Variants in APBB1IP observed in about 807,000 individuals in gnomAD.
The protein encoded by APBB1IP is amyloid beta precursor protein binding family B member 1 interacting protein, also known as amyloid beta A4 precursor protein-binding family B member 1-interacting protein.
In APBB1IP, 27 loss-of-function variants were observed where a neutral mutation model predicts 64.9. The ratio of observed to expected loss-of-function variants is 0.42; its 90% CI spans 0.31 to 0.57. APBB1IP has a LOEUF of 0.57. Ranked by LOEUF, APBB1IP falls within the 20% of genes least tolerant of loss-of-function variation. The pLI is 0.20. For missense variants in APBB1IP, 812 were observed against 845.5 expected, an observed-to-expected ratio of 0.96 and a Z score of 0.49; for synonymous variants, 392 against 331.0, an observed-to-expected ratio of 1.18 and a Z score of -2.00.
chr10:26,543,377 G>T (rs1486948633), intron 11 of APBB1IP, among the ~76,000 whole-genome samples: 1 of 151,022 alleles, frequency 6.6e-6, no homozygotes, highest in Non-Finnish European at 1.5e-5. Flanking sequence ...TGAGGCAGGA[G>T]AATCACTTGA....
chr10:26,536,214 T>C lies in APBB1IP; in HGVS notation c.1041T>C (p.Thr347=), dbSNP rs1361598486. The part of the protein sequence containing the change: ...SGIYYVPKGK[T]KTSRDLACFI... ...TTTATTATGTACCCAAAGGAAAGAC[T>C]AAGGTCAGAAAAAAAAAAAAAAAAG... The change falls in exon 10 of 15, where the codon ACT becomes ACC. Residue 347 remains threonine (T), a synonymous_variant. Coordinates refer to ENST00000376236, the MANE Select transcript of APBB1IP (RefSeq NM_019043.4). The C allele has an allele frequency of 7.1e-7, 1 of 1,410,000 alleles. No individual in the cohort carries two copies. Among genetic ancestry groups the C allele is most frequent in the Non-Finnish European group, 9.2e-7 (1 of 1,084,600 alleles). The allele number at this position is 1,410,000 out of a possible 1,614,324, so 87.3% of individuals were successfully genotyped here.
At chr10:26,547,471 C>T (rs1054019023) in intron 11 of APBB1IP, among the ~76,000 whole-genome samples, 10 of 151,890 alleles carry the variant, frequency 6.6e-5, no homozygotes, top group East Asian at 3.9e-4. Context: ...GACACAGTTT[C>T]GCTCTTGTTG....
intron 6 of APBB1IP, among the ~76,000 whole-genome samples, chr10:26,507,762 A>G (rs1229273702): frequency 2.0e-5 from 3 of 152,214 alleles, no homozygotes; most frequent in Non-Finnish European, 4.4e-5. Flanking sequence ...TTGTTTATGT[A>G]TTTTCAGAAG....
chr10:26,543,184 C>T (rs928588778), intron 11 of APBB1IP, among the ~76,000 whole-genome samples: 16 of 151,710 alleles, frequency 1.1e-4, no homozygotes, highest in East Asian at 1.9e-4. Flanking sequence ...TGTTGAATGA[C>T]GGCCGGGCAC....
chr10:26,491,287 A>T (rs1287689183), intron 2 of APBB1IP, among the ~76,000 whole-genome samples: 1 of 152,168 alleles, frequency 6.6e-6, no homozygotes, highest in Non-Finnish European at 1.5e-5. Context: ...AAAAAAAGAA[A>T]AAAAAAGAAA....
chr10:26,548,112 G>A (rs768456292), intron 11 of APBB1IP, among the ~76,000 whole-genome samples: 36 of 152,240 alleles, frequency 2.4e-4, no homozygotes, highest in Non-Finnish European at 2.8e-4. Context: ...GGTTGCTTTG[G>A]CTATTTGGAG....
intron 2 of APBB1IP, among the ~76,000 whole-genome samples, chr10:26,447,912 A>G (rs1440539510): frequency 2.6e-5 from 4 of 152,120 alleles, no homozygotes; most frequent in African/African-American, 7.2e-5. Flanking sequence ...CCGGGATTAT[A>G]GGTGTAAGCC....
chr10:26,482,651 G>A (rs570729972), intron 2 of APBB1IP, among the ~76,000 whole-genome samples: 17 of 151,844 alleles, frequency 1.1e-4, no homozygotes, highest in African/African-American at 3.4e-4. Context: ...TTATTTCCTA[G>A]AAAAAAATGT....
chr10:26,441,461 C>A (rs907590635), intron 2 of APBB1IP, among the ~76,000 whole-genome samples: 1 of 152,076 alleles, frequency 6.6e-6, no homozygotes, highest in Non-Finnish European at 1.5e-5. Context: ...AAGGGCAGAC[C>A]CTGAGGACAG....
intron 9 of APBB1IP, among the ~76,000 whole-genome samples, chr10:26,533,979 C>A (rs1055921826): frequency 6.6e-6 from 1 of 151,552 alleles, no homozygotes; most frequent in Non-Finnish European, 1.5e-5. Context: ...TCCCCGCCCC[C>A]CCGAGAACCT....
chr10:26,544,832 G>A (rs1309698812), intron 11 of APBB1IP, among the ~76,000 whole-genome samples: 7 of 152,182 alleles, frequency 4.6e-5, no homozygotes, highest in East Asian at 1.9e-4. Flanking sequence ...GAAATCCTAA[G>A]TCCCAGAGTA....
chr10:26,493,788 C>T (rs1314224397), intron 3 of APBB1IP, among the ~76,000 whole-genome samples: 2 of 152,188 alleles, frequency 1.3e-5, no homozygotes, highest in Non-Finnish European at 2.9e-5. Context: ...AGCCATTTCC[C>T]TGTGGTTACT....
At chr10:26,486,114 T>C (rs1260504301) in intron 2 of APBB1IP, among the ~76,000 whole-genome samples, 1 of 151,936 alleles carries the variant, frequency 6.6e-6, no homozygotes, top group Admixed American at 6.6e-5. Flanking sequence ...AATTAAAAAA[T>C]AAAAGGCCCC....
In APBB1IP at chr10:26,476,990, G is replaced by A. The variant is rs184456601; in HGVS notation, c.1-15337G>A. 2.2e-4 allele frequency among the ~76,000 whole-genome samples: 33 copies of A among 151,966 alleles called. No homozygotes were observed. In the East Asian group the frequency reaches 4.6e-3, roughly 21 times the overall value. On this transcript the variant is annotated intron_variant, in intron 2 of 14. Coordinates refer to ENST00000376236, the MANE Select transcript of APBB1IP (RefSeq NM_019043.4). ...TAATTTTTGTATTTTTAGTAGAGGC[G>A]GGGTTTCACCATATTGGCCAGGCTG...
intron 11 of APBB1IP, among the ~76,000 whole-genome samples, chr10:26,544,889 A>G (rs1033381661): frequency 3.3e-5 from 5 of 152,246 alleles, no homozygotes; most frequent in Admixed American, 1.3e-4. Context: ...GTCTAGGTCT[A>G]CAAGAGAGAG....
At chr10:26,472,581 A>ATT (rs776101044) in intron 2 of APBB1IP, among the ~76,000 whole-genome samples, 3 of 149,956 alleles carry the variant, frequency 2.0e-5, no homozygotes, top group Non-Finnish European at 4.4e-5. Context: ...TCATTCATTC[A>ATT]TTCATTCATT....
chr10:26,480,088 A>G (rs1449051959), intron 2 of APBB1IP, among the ~76,000 whole-genome samples: 2 of 152,188 alleles, frequency 1.3e-5, no homozygotes, highest in Non-Finnish European at 2.9e-5. Context: ...TAAGGTAGCC[A>G]GGAAGCTTGG....
chr10:26,481,012 A>G (rs1397122191), intron 2 of APBB1IP, among the ~76,000 whole-genome samples: 1 of 152,116 alleles, frequency 6.6e-6, no homozygotes, highest in Non-Finnish European at 1.5e-5. Context: ...GTTTTAGGTC[A>G]CAGTAGGTCC....
chr10:26,519,691 A>G (rs1836380031), intron 8 of APBB1IP, among the ~76,000 whole-genome samples: 1 of 152,208 alleles, frequency 6.6e-6, no homozygotes, highest in African/African-American at 2.4e-5. Context: ...TTGCACAAGA[A>G]TATGTTCTTA....
Sources: allele counts gnomAD v4.1 joint callset (sites outside exome capture counted in the v4.1 genomes callset), GRCh38; gene constraint gnomAD v4.1.1; transcripts MANE v1.5; gene names NCBI Gene and HGNC (gene_info 2026-07-23, HGNC 2026-07-21).